DPP10: variants seen among roughly 807,000 people sequenced by gnomAD.
DPP10 encodes the protein dipeptidyl peptidase like 10.
A neutral mutation model predicts 120.9 loss-of-function variants in DPP10; 33 were observed. That is an observed-to-expected ratio of 0.27 (90% CI 0.21 to 0.37). The LOEUF (loss-of-function observed/expected upper bound fraction) is 0.37. DPP10 is among the 10% of genes least tolerant of loss of function. The pLI is 1.00. For missense variants in DPP10, 816 were observed against 942.8 expected (o/e 0.87, Z 1.76); for synonymous variants, 337 against 326.1 (o/e 1.03, Z -0.36).
At chr2:115,334,230 G>GTTTTTTTTTTTTTT in intron 2 of DPP10, among the ~76,000 whole-genome samples, 1,328 of 56,200 alleles carry the variant, frequency 0.024, 239 homozygotes, top group African/African-American at 0.037. Flanking sequence ...AGCAGACTCT[G>GTTTTTTTTTTTTTT]TTTTTTTTTT....
chr2:115,270,115 G>T (rs62167282), intron 1 of DPP10, among the ~76,000 whole-genome samples: 1 of 70,462 alleles, frequency 1.4e-5, no homozygotes, highest in Non-Finnish European at 3.0e-5. Flanking sequence ...CACACACACA[G>T]ACACACACAC....
At chr2:115,393,041 G>A (rs559984884) in intron 3 of DPP10, among the ~76,000 whole-genome samples, 7 of 152,022 alleles carry the variant, frequency 4.6e-5, no homozygotes, top group South Asian at 2.1e-4. Flanking sequence ...GGCTGGGTGC[G>A]GTGGCTCATA....
At chr2:115,591,634 G>A (rs567032936) in intron 5 of DPP10, among the ~76,000 whole-genome samples, 14 of 152,276 alleles carry the variant, frequency 9.2e-5, no homozygotes, top group African/African-American at 3.4e-4. Flanking sequence ...TCTTGGCAAT[G>A]TGGACTCTTT....
chr2:115,662,437 T>TA (rs2089071908), intron 5 of DPP10, among the ~76,000 whole-genome samples: 1 of 150,770 alleles, frequency 6.6e-6, no homozygotes, highest in Admixed American at 6.6e-5. Flanking sequence ...GTTTTTTATT[T>TA]TTTTTTTTTA....
At chr2:115,193,494 C>T (rs865887736) in intron 1 of DPP10, among the ~76,000 whole-genome samples, 1 of 152,186 alleles carries the variant, frequency 6.6e-6, no homozygotes, top group Non-Finnish European at 1.5e-5. Flanking sequence ...AAAGGCTTTT[C>T]TGATGTCCAG....
intron 1 of DPP10, among the ~76,000 whole-genome samples, chr2:114,908,071 T>C (rs1455278669): frequency 6.6e-6 from 1 of 152,034 alleles, no homozygotes; most frequent in Non-Finnish European, 1.5e-5. Flanking sequence ...GTATCTCTGG[T>C]AATATTTATT....
At chr2:114,765,408 A>G (rs1214965830) in intron 1 of DPP10, among the ~76,000 whole-genome samples, 1 of 152,166 alleles carries the variant, frequency 6.6e-6, no homozygotes, top group Non-Finnish European at 1.5e-5. Flanking sequence ...TAATTAATTT[A>G]TTCACTCTTG....
chr2:115,180,481 A>G (rs886777831), intron 1 of DPP10, among the ~76,000 whole-genome samples: 8 of 152,156 alleles, frequency 5.3e-5, no homozygotes, highest in Non-Finnish European at 8.8e-5. Context: ...TTTAGGTCAA[A>G]CCTCTTCCTT....
intron 2 of DPP10, among the ~76,000 whole-genome samples, chr2:115,341,140 T>C (rs2063422435): frequency 6.6e-6 from 1 of 152,172 alleles, no homozygotes; most frequent in Non-Finnish European, 1.5e-5. Context: ...TTAAGATATT[T>C]TTTCGCTTGT....
intron 5 of DPP10, among the ~76,000 whole-genome samples, chr2:115,660,003 G>A (rs2088780534): frequency 6.6e-6 from 1 of 152,142 alleles, no homozygotes; most frequent in African/African-American, 2.4e-5. Context: ...CCATGGCATA[G>A]GGGTAAATTT....
intron 1 of DPP10, among the ~76,000 whole-genome samples, chr2:115,069,538 A>C (rs1707201037): frequency 5.3e-5 from 8 of 152,124 alleles, no homozygotes; most frequent in Admixed American, 5.2e-4. Flanking sequence ...CAGACTGTTC[A>C]GTTGTTTCCT....
intron 2 of DPP10, among the ~76,000 whole-genome samples, chr2:115,328,309 CAGG>C (rs1291537994): frequency 6.6e-6 from 1 of 151,982 alleles, no homozygotes; most frequent in African/African-American, 2.4e-5. Flanking sequence ...TACTCATATT[CAGG>C]AGATGTTAAT....
intron 1 of DPP10, among the ~76,000 whole-genome samples, chr2:114,664,163 A>G (rs1447493397): frequency 6.6e-6 from 1 of 152,040 alleles, no homozygotes; most frequent in Non-Finnish European, 1.5e-5. Context: ...ACTCAAAGCT[A>G]GCTCTTTCAG....
intron 5 of DPP10, among the ~76,000 whole-genome samples, chr2:115,544,471 G>A (rs192633211): frequency 7.4e-4 from 113 of 152,058 alleles, no homozygotes; most frequent in African/African-American, 2.6e-3. Context: ...TCTCAATTGA[G>A]GCCATGGGAA....
chr2:114,735,642 G>A (rs1435272282), intron 1 of DPP10, among the ~76,000 whole-genome samples: 2 of 152,074 alleles, frequency 1.3e-5, no homozygotes, highest in Non-Finnish European at 2.9e-5. Context: ...CCCTCAAAGA[G>A]GTGAAATATC....
At chr2:115,415,795 T>C (rs12476869) in intron 3 of DPP10, among the ~76,000 whole-genome samples, 71,521 of 141,128 alleles carry the variant, frequency 0.51, 19,592 homozygotes, top group Non-Finnish European at 0.63. Flanking sequence ...AGTGGAAAAA[T>C]AAATCAGATT....
At chr2:114,994,234 C>T (rs1038861822) in intron 1 of DPP10, among the ~76,000 whole-genome samples, 7 of 151,966 alleles carry the variant, frequency 4.6e-5, no homozygotes, top group Non-Finnish European at 1.0e-4. Flanking sequence ...ACTTTTCATG[C>T]GCATTGAAAC....
intron 5 of DPP10, among the ~76,000 whole-genome samples, chr2:115,581,126 A>G (rs772921334): frequency 2.0e-5 from 3 of 152,150 alleles, no homozygotes; most frequent in Non-Finnish European, 4.4e-5. Flanking sequence ...CGTCTTTTAG[A>G]GTTTTACATT....
At chr2:115,005,973 T>G (rs1204339954) in intron 1 of DPP10, among the ~76,000 whole-genome samples, 1 of 151,996 alleles carries the variant, frequency 6.6e-6, no homozygotes, top group Non-Finnish European at 1.5e-5. Context: ...GAGAGAAAGG[T>G]CGGGTTACCC....
Sources: allele counts gnomAD v4.1 joint callset (sites outside exome capture counted in the v4.1 genomes callset), GRCh38; gene constraint gnomAD v4.1.1; transcripts MANE v1.5; gene names NCBI Gene and HGNC (gene_info 2026-07-23, HGNC 2026-07-21).